The following DLG2 variants were observed in gnomAD, a reference collection of about 807,000 sequenced individuals.
DLG2 encodes discs large MAGUK scaffold protein 2.
DLG2 carries 45 observed loss-of-function variants against 132.5 expected under a neutral mutation model. That is an observed-to-expected ratio of 0.34 (90% confidence interval 0.27 to 0.44). DLG2 has a LOEUF of 0.44. Among genes scored for constraint, DLG2 ranks in the 20% least tolerant of loss-of-function variants. DLG2 has a pLI of 1.00. For missense variants in DLG2, 1,045 were observed against 1,196.9 expected (o/e 0.87, Z 1.87); for synonymous variants, 424 against 419.6 (o/e 1.01, Z -0.13).
intron 6 of DLG2, among the ~76,000 whole-genome samples, chr11:84,536,693 T>A (rs1400035162): frequency 6.6e-6 from 1 of 152,216 alleles, no homozygotes; most frequent in Non-Finnish European, 1.5e-5. Flanking sequence ...CTACCATCTA[T>A]GTTGTCATCT....
chr11:83,803,320 T>C (rs919850150), intron 17 of DLG2, among the ~76,000 whole-genome samples: 4 of 152,106 alleles, frequency 2.6e-5, no homozygotes, highest in Non-Finnish European at 4.4e-5. Flanking sequence ...GATGGTATTT[T>C]CTGTTGTTAA....
At chr11:84,446,941 G>A (rs1050488086) in intron 7 of DLG2, among the ~76,000 whole-genome samples, 6 of 152,024 alleles carry the variant, frequency 3.9e-5, no homozygotes, top group East Asian at 3.9e-4. Context: ...ACAAGTCCAC[G>A]TGGCATCCCT....
chr11:83,487,020 G>A (rs1039601693), intron 21 of DLG2, among the ~76,000 whole-genome samples: 4 of 150,884 alleles, frequency 2.7e-5, no homozygotes, highest in South Asian at 2.1e-4. Flanking sequence ...TCTGTTACAC[G>A]AGTGCTAGGT....
At chr11:85,405,569 T>C (rs1307298531) in intron 3 of DLG2, among the ~76,000 whole-genome samples, 3 of 152,014 alleles carry the variant, frequency 2.0e-5, no homozygotes, top group South Asian at 2.1e-4. Flanking sequence ...CCAGACACTA[T>C]GCTAAATATT....
intron 3 of DLG2, among the ~76,000 whole-genome samples, chr11:85,565,149 T>C (rs2077461165): frequency 6.6e-6 from 1 of 152,076 alleles, no homozygotes; most frequent in Admixed American, 6.6e-5. Flanking sequence ...CAAAACTAAT[T>C]ATGTGAGCTA....
intron 7 of DLG2, among the ~76,000 whole-genome samples, chr11:84,280,671 A>C (rs754260681): frequency 6.7e-6 from 1 of 150,040 alleles, no homozygotes; most frequent in Non-Finnish European, 1.5e-5. Flanking sequence ...CAGGGGTTGA[A>C]CCATACATCT....
intron 17 of DLG2, among the ~76,000 whole-genome samples, chr11:83,797,597 C>A (rs564495726): frequency 1.3e-5 from 2 of 152,166 alleles, no homozygotes; most frequent in East Asian, 3.9e-4. Flanking sequence ...TCGCTCACTG[C>A]AAGCTTCGCC....
intron 3 of DLG2, among the ~76,000 whole-genome samples, chr11:85,320,899 C>A (rs1311195990): frequency 6.6e-6 from 1 of 151,178 alleles, no homozygotes; most frequent in African/African-American, 2.4e-5. Context: ...TTGTTTAGAC[C>A]TTTGGATTTT....
At chr11:83,520,807 T>A (rs908683880) in intron 21 of DLG2, among the ~76,000 whole-genome samples, 2 of 152,216 alleles carry the variant, frequency 1.3e-5, no homozygotes, top group Non-Finnish European at 2.9e-5. Context: ...CTTCATGCTA[T>A]GACTCTTGTG....
At chr11:85,485,197 T>G (rs2093400608) in intron 3 of DLG2, among the ~76,000 whole-genome samples, 1 of 151,322 alleles carries the variant, frequency 6.6e-6, no homozygotes, top group South Asian at 2.1e-4. Context: ...CTCTGGGGAC[T>G]GTTGTGGGGT....
intron 17 of DLG2, among the ~76,000 whole-genome samples, chr11:83,825,323 A>G (rs2052399775): frequency 6.6e-6 from 1 of 151,394 alleles, no homozygotes. Flanking sequence ...CTGGGATTAT[A>G]GGCATGCACC....
At chr11:83,866,168 G>T (rs1156952839) in intron 16 of DLG2, among the ~76,000 whole-genome samples, 1 of 151,926 alleles carries the variant, frequency 6.6e-6, no homozygotes, top group Admixed American at 6.6e-5. Context: ...CCAGACTGAG[G>T]ACAGAGTCAA....
At chr11:84,112,819 T>C (rs951730809) in intron 9 of DLG2, among the ~76,000 whole-genome samples, 1 of 152,170 alleles carries the variant, frequency 6.6e-6, no homozygotes, top group African/African-American at 2.4e-5. Flanking sequence ...ATAAAGAAAA[T>C]AAGCTCTGTA....
intron 3 of DLG2, among the ~76,000 whole-genome samples, chr11:85,369,692 A>G (rs368136153): frequency 6.6e-6 from 1 of 152,248 alleles, no homozygotes; most frequent in East Asian, 1.9e-4. Flanking sequence ...GGCTTTGTTT[A>G]GCAACCCTGC....
At chr11:83,510,832 T>TTTC (rs946531108) in intron 21 of DLG2, among the ~76,000 whole-genome samples, 1 of 139,070 alleles carries the variant, frequency 7.2e-6, no homozygotes, top group African/African-American at 2.8e-5. Context: ...AACCATCCGT[T>TTTC]TTTTTTTTTT....
intron 3 of DLG2, chr11:85,452,768 A>AACCAGAGGTTGTTGAATCTTCAACT (rs2092292616): frequency 6.4e-6 from 1 of 155,134 alleles, no homozygotes; most frequent in African/African-American, 2.4e-5. Context: ...TTACTTCAAC[A>AACCAGAGGTTGTTGAATCTTCAACT]ACCAGAGGTT....
rs34476380 is a variant in DLG2, at chr11:84,402,881, C to CAAAAAAAAAAAAAAAAAAAAAAAA, written c.519+131688_519+131689insTTTTTTTTTTTTTTTTTTTTTTTT. Among the ~76,000 whole-genome samples, 56 of 73,868 alleles carry CAAAAAAAAAAAAAAAAAAAAAAAA rather than the reference C, an allele frequency of 7.6e-4. 4 individuals are homozygous for CAAAAAAAAAAAAAAAAAAAAAAAA. The highest frequency in any genetic ancestry group is 2.8e-3 in the African/African-American group (27 of 9,546). The allele number at this position is 73,868 out of a possible 152,430, so 48.5% of individuals were successfully genotyped here. ...TGGGCGACAGAGCGAAACTCCGTCT[C>CAAAAAAAAAAAAAAAAAAAAAAAA]AAAAAAAAAAAAAAAAAAAATTAAC... On this transcript the variant is annotated intron_variant, in intron 7 of 27. Coordinates refer to ENST00000376104, the MANE Select transcript of DLG2 (RefSeq NM_001142699.3).
At chr11:84,323,698 A>G (rs1199044604) in intron 7 of DLG2, among the ~76,000 whole-genome samples, 1 of 128,526 alleles carries the variant, frequency 7.8e-6, no homozygotes, top group African/African-American at 2.9e-5. Flanking sequence ...CCTCAACAAC[A>G]TTTTTTTTGC....
At chr11:83,985,895 A>AT (rs1236915270) in intron 11 of DLG2, among the ~76,000 whole-genome samples, 1 of 151,844 alleles carries the variant, frequency 6.6e-6, no homozygotes, top group East Asian at 1.9e-4. Context: ...GCTAGGTTGA[A>AT]TTTTTTTCCT....
Sources: gnomAD v4.1 joint callset for allele counts (sites outside exome capture counted in the v4.1 genomes callset) on GRCh38, gnomAD v4.1.1 for gene constraint, MANE v1.5 for transcripts, NCBI Gene and HGNC (gene_info 2026-07-23, HGNC 2026-07-21) for gene names.